The following RUVBL1 variants were observed in gnomAD, a reference collection of about 807,000 sequenced individuals.
RUVBL1 encodes RuvB like AAA ATPase 1, also known as ruvB-like 1.
A neutral mutation model predicts 52.4 loss-of-function variants in RUVBL1; 4 were observed. The observed-to-expected ratio is 0.08, with a 90% CI of 0.04 to 0.17. The LOEUF is 0.17. RUVBL1 is among the 10% of genes least tolerant of loss of function. The probability of loss-of-function intolerance (pLI) is 1.00; values close to 1 mark genes in which losing one functional copy is unlikely to be tolerated. For missense variants in RUVBL1, 298 were observed against 572.8 expected, an observed-to-expected ratio of 0.52 and a Z score of 4.90; for synonymous variants, 217 against 214.4, an observed-to-expected ratio of 1.01 and a Z score of -0.10.
At chr3:128,127,430 C>CT (rs1264803203), upstream of RUVBL1, among the ~76,000 whole-genome samples, 1 of 152,188 alleles carries the variant, frequency 6.6e-6, no homozygotes, top group Non-Finnish European at 1.5e-5. Context: ...ACGACCTTTG[C>CT]TCTTTCACCT....
chr3:128,102,470 C>G (rs1319326091), intron 4 of RUVBL1, among the ~76,000 whole-genome samples: 1 of 152,224 alleles, frequency 6.6e-6, no homozygotes, highest in Middle Eastern at 3.2e-3. Flanking sequence ...ACACAAGTTT[C>G]TCGAGGTCTT....
At chr3:128,146,786 C>T (rs1429942596) in intron 1 of RUVBL1, among the ~76,000 whole-genome samples, 3 of 150,470 alleles carry the variant, frequency 2.0e-5, no homozygotes, top group African/African-American at 7.4e-5. Flanking sequence ...TGCGTGTGCA[C>T]GTGTGTCCAT....
At chr3:128,153,127 G>A (rs1053533165) in intron 1 of RUVBL1, 1 of 780,232 alleles carries the variant, frequency 1.3e-6, no homozygotes, top group African/African-American at 1.9e-5. Flanking sequence ...TGATTGGTGC[G>A]TTTTACAGAG....
intron 6 of RUVBL1, among the ~76,000 whole-genome samples, chr3:128,099,614 G>A (rs1406638041): frequency 1.3e-5 from 2 of 152,182 alleles, no homozygotes; most frequent in African/African-American, 4.8e-5. Context: ...TCCTAACAGT[G>A]CAGTCAGCAA....
intron 1 of RUVBL1, among the ~76,000 whole-genome samples, chr3:128,150,982 TTC>T (rs1208397832): frequency 1.1e-5 from 1 of 92,948 alleles, no homozygotes; most frequent in Non-Finnish European, 1.9e-5. Context: ...ATATTATATA[TTC>T]TATATATATT....
intron 1 of RUVBL1, among the ~76,000 whole-genome samples, chr3:128,119,827 T>C (rs1001954168): frequency 3.9e-5 from 6 of 152,174 alleles, no homozygotes; most frequent in Non-Finnish European, 7.3e-5. Flanking sequence ...GAAACAAGCT[T>C]GGCATATCCA....
At chr3:128,113,669 GTT>G (rs1276562623) in intron 2 of RUVBL1, among the ~76,000 whole-genome samples, 2 of 151,658 alleles carry the variant, frequency 1.3e-5, no homozygotes, top group African/African-American at 4.8e-5. Context: ...ATTTTTTATT[GTT>G]TTTTTCCTGA....
intron 9 of RUVBL1, among the ~76,000 whole-genome samples, chr3:128,087,357 T>C (rs1278671162): frequency 6.6e-6 from 1 of 152,262 alleles, no homozygotes; most frequent in Non-Finnish European, 1.5e-5. Context: ...TCATATTTTA[T>C]TGCTTCCTTT....
chr3:128,101,656 A>C lies in RUVBL1; in HGVS notation c.514-8T>G, dbSNP rs1425845477. 1 of 1,612,790 alleles carries C rather than the reference A, an allele frequency of 6.2e-7. No homozygotes were observed. On this transcript the variant is annotated splice_polypyrimidine_tract_variant and splice_region_variant and intron_variant, in intron 4 of 10. Transcript: ENST00000322623. The stretch of plus-strand genomic sequence containing the variant: ...AAAAATGCTGGGGTCCAGCTAAAAA[A>C]AAAAATGTAAATCAGAAGTGTAATA...
chr3:128,133,637 C>G (rs907399105), intron 1 of RUVBL1, among the ~76,000 whole-genome samples: 1 of 152,236 alleles, frequency 6.6e-6, no homozygotes, highest in African/African-American at 2.4e-5. Flanking sequence ...CCAAGACCAC[C>G]AAGGTAGCAC....
In RUVBL1 at chr3:128,081,780, G is replaced by A. The variant is rs1942482688; in HGVS notation, c.1212-371C>T. On this transcript the variant is annotated intron_variant, in intron 10 of 10. Coordinates refer to ENST00000322623, the MANE Select transcript of RUVBL1 (RefSeq NM_003707.3). This position sits in a 1 kb window ranked among gnomAD's most constrained non-coding sequence, Gnocchi z 4.8. Reference sequence around the variant, plus strand: ...TGGCAGGGAAATGAAAACATAGCCAGCTGGAAGTACATGCCCATCCAAAGG... The same window carrying A: ...TGGCAGGGAAATGAAAACATAGCCAACTGGAAGTACATGCCCATCCAAAGG... The A allele has an allele frequency of 5.3e-6, 1 of 187,754 alleles. No individual in the cohort carries two copies. The allele number at this position is 187,754 out of a possible 1,614,324, so 11.6% of individuals were successfully genotyped here. A position where few individuals can be genotyped will look rare whatever the true frequency, so the allele number is the denominator to read the frequency against.
At chr3:128,132,313 C>T (rs1421947412) in intron 1 of RUVBL1, among the ~76,000 whole-genome samples, 2 of 152,168 alleles carry the variant, frequency 1.3e-5, no homozygotes, top group Non-Finnish European at 2.9e-5. Context: ...GCAGTGTAGG[C>T]CACAAGGACT....
rs1241347008 is a variant in RUVBL1, at chr3:128,082,382, C to T, written c.1211+101G>A. ...CCAGGAAGAGCGGATGGATAGAGTC[C>T]CATGCCCTAGGAAGGGACCTGCCTT... On this transcript the variant is annotated intron_variant, in intron 10 of 10. Transcript: ENST00000322623. The surrounding 1 kb of genome is among the most constrained non-coding windows in gnomAD (Gnocchi z 4.7). 7.0e-6 allele frequency: 6 copies of T among 861,722 alleles called. No homozygotes were observed. The highest frequency in any genetic ancestry group is 9.7e-6 in the Non-Finnish European group (5 of 514,734). The allele number at this position is 861,722 out of a possible 1,614,324, so 53.4% of individuals were successfully genotyped here.
At chr3:128,110,272 T>C (rs1943354662) in intron 3 of RUVBL1, among the ~76,000 whole-genome samples, 1 of 151,774 alleles carries the variant, frequency 6.6e-6, no homozygotes, top group African/African-American at 2.4e-5. Context: ...GACAACAGAG[T>C]AAGACCCTGT....
intron 1 of RUVBL1, among the ~76,000 whole-genome samples, chr3:128,148,726 G>T (rs1944140716): frequency 6.6e-6 from 1 of 152,144 alleles, no homozygotes; most frequent in Admixed American, 6.5e-5. Flanking sequence ...GGGCTATTCT[G>T]TACTTGTACA....
At chr3:128,146,697 ATG>A (rs1235172599) in intron 1 of RUVBL1, among the ~76,000 whole-genome samples, 4 of 104,594 alleles carry the variant, frequency 3.8e-5, no homozygotes, top group South Asian at 3.1e-4. Flanking sequence ...GTGCATGCAC[ATG>A]TGTCTCTGTG....
intron 9 of RUVBL1, among the ~76,000 whole-genome samples, chr3:128,073,699 TCTC>T (rs1428088586): frequency 2.0e-5 from 3 of 152,176 alleles, no homozygotes; most frequent in South Asian, 2.1e-4. Flanking sequence ...AGAAGGTGCC[TCTC>T]CTCTTAAAAG....
intron 2 of RUVBL1, among the ~76,000 whole-genome samples, chr3:128,116,584 T>C: frequency 6.6e-6 from 1 of 152,188 alleles, no homozygotes; most frequent in East Asian, 1.9e-4. Flanking sequence ...TGTGTAATCT[T>C]TGATTGCATT....
chr3:128,152,253 A>G (rs1348540390), intron 1 of RUVBL1, among the ~76,000 whole-genome samples: 2 of 152,118 alleles, frequency 1.3e-5, no homozygotes, highest in African/African-American at 4.8e-5. Context: ...ATCACAACAC[A>G]TTGTGCGTTC....
Sources: allele counts gnomAD v4.1 joint callset (sites outside exome capture counted in the v4.1 genomes callset), GRCh38; gene constraint gnomAD v4.1.1; non-coding constraint Gnocchi (gnomAD v3.1); transcripts MANE v1.5; gene names NCBI Gene and HGNC (gene_info 2026-07-23, HGNC 2026-07-21).